The following PKP2 variants were observed in gnomAD, a reference collection of about 807,000 sequenced individuals.
PKP2 encodes the protein plakophilin 2.
PKP2 carries 73 observed loss-of-function variants against 83.4 expected under a neutral mutation model. That is an observed-to-expected ratio of 0.88 (90% CI 0.72 to 1.06). PKP2 has a LOEUF of 1.06. Ranked by LOEUF, PKP2 falls within the 50% of genes least tolerant of loss-of-function variation. The pLI is 0.00. For missense variants in PKP2, 966 were observed against 1,065.4 expected (o/e 0.91, Z 1.30); for synonymous variants, 409 against 430.4 (o/e 0.95, Z 0.62).
chr12:32,865,557 A>C (rs1285733272), intron 4 of PKP2, among the ~76,000 whole-genome samples: 5 of 150,478 alleles, frequency 3.3e-5, no homozygotes, highest in Non-Finnish European at 1.5e-5. Context: ...ATGGTGACAC[A>C]TGCCTATAAT....
intron 3 of PKP2, among the ~76,000 whole-genome samples, chr12:32,876,810 C>CT (rs1482389921): frequency 6.6e-6 from 1 of 152,186 alleles, no homozygotes; most frequent in African/African-American, 2.4e-5. Context: ...GATTACAGGC[C>CT]TGGGCCACTG....
chr12:32,806,191 T>C lies in PKP2; in HGVS notation c.2014-3635A>G, dbSNP rs1370048646. On this transcript the variant is annotated intron_variant, in intron 9 of 12. Transcript: ENST00000340811. ...AAGTTTTCTTTTTTTGTTGTATCTC[T>C]GCCAGGTTTTGGTATCAGGATGATG... Among the ~76,000 whole-genome samples the C allele has an allele frequency of 2.6e-5, 4 of 152,346 alleles. No individual in the cohort carries two copies. In the East Asian group the frequency reaches 7.7e-4, roughly 29 times the overall value.
At chr12:32,814,429 T>A (rs1956303139) in intron 9 of PKP2, among the ~76,000 whole-genome samples, 1 of 152,074 alleles carries the variant, frequency 6.6e-6, no homozygotes, top group Non-Finnish European at 1.5e-5. Flanking sequence ...TCTGAAAACA[T>A]AAACTCAGCA....
intron 1 of PKP2, among the ~76,000 whole-genome samples, chr12:32,895,829 G>T (rs1284203931): frequency 6.6e-6 from 1 of 152,224 alleles, no homozygotes; most frequent in African/African-American, 2.4e-5. Context: ...ACTGGTGGGG[G>T]TAGGAAGCGC....
Position 32,795,190 on chromosome 12 carries a change from C to CT in PKP2, c.2357+918dup, listed in dbSNP as rs71298051. ...TTATACAAGGTTTTTCATTCTCCTC[C>CT]TTTTTTTTTTTAATAGGGAAAAGTT... is the stretch of plus-strand genomic sequence containing the variant. On this transcript the variant is annotated intron_variant, in intron 11 of 12. Transcript: ENST00000340811. 2.9e-3 allele frequency among the ~76,000 whole-genome samples: 420 copies of CT among 144,870 alleles called. 2 individuals are homozygous for CT. Among genetic ancestry groups the CT allele is most frequent in the Non-Finnish European group, 4.2e-3 (276 of 65,616 alleles).
At chr12:32,854,177 G>C (rs1956725368) in intron 4 of PKP2, among the ~76,000 whole-genome samples, 1 of 152,176 alleles carries the variant, frequency 6.6e-6, no homozygotes. Flanking sequence ...TGCATTTCAA[G>C]CTGCAATGAT....
intron 4 of PKP2, among the ~76,000 whole-genome samples, chr12:32,858,175 G>A (rs1427715075): frequency 1.5e-5 from 2 of 134,920 alleles, no homozygotes; most frequent in African/African-American, 5.7e-5. Flanking sequence ...AGCCAGGCGA[G>A]TCCATGCCTG....
intron 3 of PKP2, among the ~76,000 whole-genome samples, chr12:32,869,500 G>A (rs1956879778): frequency 6.6e-6 from 1 of 151,618 alleles, no homozygotes; most frequent in South Asian, 2.1e-4. Context: ...TCAGGAGGCT[G>A]AGGCAGGAGA....
At position 32,804,059 on chromosome 12, in the gene PKP2, T is replaced by C. The variant is rs560618285; in HGVS notation, c.2014-1503A>G. ...CAGGTAACTAAGAAGCACAGTAGCA[T>C]CACCAGAATACCTGTCTCAGCTGTT... On this transcript the variant is annotated intron_variant, in intron 9 of 12. Transcript: ENST00000340811. Among the ~76,000 whole-genome samples, 5 of 152,338 alleles carry C rather than the reference T, an allele frequency of 3.3e-5. 1 individual carries two copies. In the South Asian group the frequency reaches 1.0e-3, roughly 32 times the overall value.
intron 10 of PKP2, among the ~76,000 whole-genome samples, chr12:32,798,436 A>T (rs963813231): frequency 2.6e-5 from 4 of 151,680 alleles, no homozygotes; most frequent in African/African-American, 9.7e-5. Flanking sequence ...GTACTTTTCT[A>T]CTATGTATAT....
At chr12:32,822,370 C>T (rs774856610) in intron 8 of PKP2, 97 bp downstream of exon 8, 12 of 1,008,164 alleles carry the variant, frequency 1.2e-5, no homozygotes, top group South Asian at 5.2e-5. Context: ...AAAATAGTGC[C>T]GATATATACC....
chr12:32,832,371 T>C (rs2137807137), intron 6 of PKP2, among the ~76,000 whole-genome samples: 1 of 151,642 alleles, frequency 6.6e-6, no homozygotes, highest in Admixed American at 6.6e-5. Flanking sequence ...AATGAGAGTC[T>C]GTCTCAAAAA....
chr12:32,824,644 T>C (rs1485483763), intron 6 of PKP2, among the ~76,000 whole-genome samples: 1 of 152,208 alleles, frequency 6.6e-6, no homozygotes, highest in Admixed American at 6.5e-5. Context: ...TAAATTTCAG[T>C]ATAAACTGTT....
chr12:32,876,043 C>T (rs926786431), intron 3 of PKP2, among the ~76,000 whole-genome samples: 3 of 152,000 alleles, frequency 2.0e-5, no homozygotes, highest in Admixed American at 2.0e-4. Context: ...AAAGGGAGCA[C>T]GCAGAGAACA....
intron 10 of PKP2, 51 bp downstream of exon 10, chr12:32,802,352 A>G (rs372473613): frequency 1.7e-5 from 27 of 1,551,864 alleles, no homozygotes; most frequent in Non-Finnish European, 2.3e-5. Context: ...ATTTCATTGC[A>G]TTGTATCTTC....
In PKP2 at chr12:32,882,359, G is replaced by C. The variant is rs1956994141; in HGVS notation, c.224-3327C>G. On this transcript the variant is annotated intron_variant, in intron 1 of 12. Transcript: ENST00000340811. ...AAAGCAGGCAATTTTAGGAATTCAA[G>C]AAAAACTCTGTAAATCAGCCCCTTT... 3.9e-5 allele frequency among the ~76,000 whole-genome samples: 6 copies of C among 152,190 alleles called. No homozygotes were observed. The South Asian group carries it at 1.3e-3, about 32-fold the overall frequency.
At chr12:32,839,439 G>A (rs1032939232) in intron 6 of PKP2, among the ~76,000 whole-genome samples, 6 of 147,534 alleles carry the variant, frequency 4.1e-5, no homozygotes, top group Non-Finnish European at 3.0e-5. Flanking sequence ...GCTCAGTAGA[G>A]AAGGCTTCTT....
chr12:32,842,803 T>C (rs1224569163), intron 5 of PKP2, among the ~76,000 whole-genome samples: 1 of 151,792 alleles, frequency 6.6e-6, no homozygotes, highest in Non-Finnish European at 1.5e-5. Flanking sequence ...GCTTCCCGAG[T>C]AGCTGGGATT....
intron 9 of PKP2, among the ~76,000 whole-genome samples, chr12:32,811,814 G>A (rs556753459): frequency 1.3e-5 from 2 of 152,306 alleles, no homozygotes; most frequent in South Asian, 4.1e-4. Flanking sequence ...GGCTTTCTGT[G>A]CTAGAGGTAA....
Sources: allele counts gnomAD v4.1 joint callset (sites outside exome capture counted in the v4.1 genomes callset), GRCh38; gene constraint gnomAD v4.1.1; transcripts MANE v1.5; gene names NCBI Gene and HGNC (gene_info 2026-07-23, HGNC 2026-07-21).